UBE2D2: variants seen among roughly 807,000 people sequenced by gnomAD.
The protein encoded by UBE2D2 is ubiquitin-conjugating enzyme E2 D2.
In UBE2D2, 2 loss-of-function variants were observed where a neutral mutation model predicts 24.2. That is an observed-to-expected ratio of 0.08 (90% CI 0.03 to 0.26). The LOEUF is 0.26. Among genes scored for constraint, UBE2D2 ranks in the 10% least tolerant of loss-of-function variants. UBE2D2 has a pLI of 1.00. For synonymous variants in UBE2D2, 58 were observed against 56.5 expected, an observed-to-expected ratio of 1.03 and a Z score of -0.12; for missense variants, 44 against 177.6, an observed-to-expected ratio of 0.25 and a Z score of 4.28.
At chr5:139,595,057 A>AT (rs1429684175) in intron 1 of UBE2D2, among the ~76,000 whole-genome samples, 8 of 152,144 alleles carry the variant, frequency 5.3e-5, no homozygotes, top group South Asian at 2.1e-4. Flanking sequence ...TACAGACATC[A>AT]TTTTTTCCCC....
chr5:139,627,045 A>C lies in UBE2D2; in HGVS notation c.*244A>C. The C allele has an allele frequency of 4.3e-6, 2 of 464,250 alleles. No homozygotes were observed. Among genetic ancestry groups the C allele is most frequent in the Non-Finnish European group, 7.8e-6 (2 of 257,914 alleles). The allele number at this position is 464,250 out of a possible 1,614,324, so 28.8% of individuals were successfully genotyped here. A position where few individuals can be genotyped will look rare whatever the true frequency, so the allele number is the denominator to read the frequency against. ...TGTGTGTGTGACAAGCCAGTTCTAC[A>C]GGCATTACCTAGGTGTGAGACTAAA... On this transcript the variant is annotated 3_prime_UTR_variant, in exon 7 of 7. Transcript: ENST00000398733.
chr5:139,613,380 T>C (rs1013283679), intron 2 of UBE2D2, among the ~76,000 whole-genome samples: 1 of 152,224 alleles, frequency 6.6e-6, no homozygotes, highest in Non-Finnish European at 1.5e-5. Context: ...ATAGTATGAA[T>C]GGTAAGTGTG....
At chr5:139,584,577 G>T (rs1753683532) in intron 1 of UBE2D2, among the ~76,000 whole-genome samples, 1 of 137,242 alleles carries the variant, frequency 7.3e-6, no homozygotes, top group African/African-American at 2.9e-5. Context: ...TTGTTGCCCA[G>T]TCTGGAGTGC....
At chr5:139,559,741 G>T (rs930446452), upstream of UBE2D2, among the ~76,000 whole-genome samples, 1 of 152,130 alleles carries the variant, frequency 6.6e-6, no homozygotes, top group African/African-American at 2.4e-5. Context: ...TCAATGATCT[G>T]CAAGGTCCTT....
intron 1 of UBE2D2, chr5:139,562,366 C>T (rs371749729): frequency 3.7e-5 from 49 of 1,335,498 alleles, no homozygotes; most frequent in Non-Finnish European, 4.6e-5. Context: ...CCTGCTTGTC[C>T]AGAAACTGTT....
intron 1 of UBE2D2, among the ~76,000 whole-genome samples, chr5:139,541,599 CAAAAAAAAAA>C (rs892398676): frequency 5.1e-5 from 3 of 58,438 alleles, no homozygotes; most frequent in Admixed American, 2.1e-4. Context: ...GACTCCATTT[CAAAAAAAAAA>C]AAAAAAAAAA....
upstream of UBE2D2, among the ~76,000 whole-genome samples, chr5:139,559,384 T>A (rs1753023545): frequency 6.7e-6 from 1 of 149,060 alleles, no homozygotes; most frequent in African/African-American, 2.5e-5. Context: ...CGAGATAGCG[T>A]CACCGCACTC....
At chr5:139,552,845 G>A (rs59167355) in intron 1 of UBE2D2, among the ~76,000 whole-genome samples, 9,319 of 151,904 alleles carry the variant, frequency 0.061, 335 homozygotes, top group South Asian at 0.11. Flanking sequence ...ACCATGCCCA[G>A]CTAATTTTGT....
chr5:139,592,365 C>G (rs1753862546), intron 1 of UBE2D2, among the ~76,000 whole-genome samples: 1 of 152,072 alleles, frequency 6.6e-6, no homozygotes, highest in Non-Finnish European at 1.5e-5. Context: ...ATCTCTGATG[C>G]TTTTTAACTC....
chr5:139,608,316 C>T (rs1466358980), intron 2 of UBE2D2, among the ~76,000 whole-genome samples: 1 of 151,824 alleles, frequency 6.6e-6, no homozygotes, highest in Non-Finnish European at 1.5e-5. Flanking sequence ...ACCTGTAATC[C>T]CAGCTACTTG....
chr5:139,531,348 G>A (rs535499011), intron 1 of UBE2D2, among the ~76,000 whole-genome samples: 13 of 152,260 alleles, frequency 8.5e-5, no homozygotes, highest in Admixed American at 5.2e-4. Context: ...TCTGACCACC[G>A]GTGCATGCAG....
At chr5:139,537,650 G>A (rs1041907218) in intron 1 of UBE2D2, among the ~76,000 whole-genome samples, 3 of 151,714 alleles carry the variant, frequency 2.0e-5, no homozygotes, top group African/African-American at 4.8e-5. Context: ...CACCATGCTC[G>A]GCCTGGAAGA....
intron 1 of UBE2D2, among the ~76,000 whole-genome samples, chr5:139,577,289 C>G (rs977845238): frequency 6.6e-6 from 1 of 151,892 alleles, no homozygotes; most frequent in Non-Finnish European, 1.5e-5. Context: ...TTCAAAACAT[C>G]AGAGTACTGA....
intron 1 of UBE2D2, among the ~76,000 whole-genome samples, chr5:139,540,437 T>G (rs1202226618): frequency 6.6e-6 from 1 of 151,080 alleles, no homozygotes; most frequent in African/African-American, 2.4e-5. Context: ...TCTCAGCTAC[T>G]CGGGAGGCTG....
intron 1 of UBE2D2, among the ~76,000 whole-genome samples, chr5:139,539,235 G>A (rs1488125852): frequency 6.6e-6 from 1 of 152,032 alleles, no homozygotes; most frequent in Non-Finnish European, 1.5e-5. Context: ...ATGTTGGTCA[G>A]GCTGGTCTCG....
Position 139,561,616 on chromosome 5 carries a change from C to A in UBE2D2, c.-176C>A, listed in dbSNP as rs922656667. On this transcript the variant is annotated 5_prime_UTR_variant, in exon 1 of 7. Coordinates refer to ENST00000398733, the MANE Select transcript of UBE2D2 (RefSeq NM_003339.3). ...TGATGCGGTGACCGCTGCGGCAGGC[C>A]CAGGAGCTGAGTGGGCCCCGGCCCT... The A allele has an allele frequency of 1.6e-4, 78 of 480,718 alleles. 1 individual carries two copies. The East Asian group carries it at 2.7e-3, about 17-fold the overall frequency. 29.8% of individuals were successfully genotyped at this position (480,718 alleles called of 1,614,324 possible). A position where few individuals can be genotyped will look rare whatever the true frequency, so the allele number is the denominator to read the frequency against.
intron 1 of UBE2D2, among the ~76,000 whole-genome samples, chr5:139,566,382 ATG>A (rs1237623939): frequency 5.1e-3 from 1 of 198 alleles, no homozygotes; most frequent in Non-Finnish European, 0.012. Flanking sequence ...ATTTCAGGTC[ATG>A]CACAGTGGGT....
At chr5:139,585,738 C>G (rs1279410616) in intron 1 of UBE2D2, among the ~76,000 whole-genome samples, 2 of 151,668 alleles carry the variant, frequency 1.3e-5, no homozygotes, top group African/African-American at 4.8e-5. Flanking sequence ...GTCTCTCATT[C>G]AAGGAGTCAT....
chr5:139,584,688 A>T (rs981614001), intron 1 of UBE2D2, among the ~76,000 whole-genome samples: 61 of 151,066 alleles, frequency 4.0e-4, no homozygotes, highest in African/African-American at 1.5e-3. Flanking sequence ...ATGTGCCACC[A>T]TACCCGGCTA....
Sources: allele counts gnomAD v4.1 joint callset (sites outside exome capture counted in the v4.1 genomes callset), GRCh38; gene constraint gnomAD v4.1.1; transcripts MANE v1.5; gene names NCBI Gene and HGNC (gene_info 2026-07-23, HGNC 2026-07-21).